ATP8A2: variants seen among roughly 807,000 people sequenced by gnomAD.
ATP8A2 encodes the protein ATPase phospholipid transporting 8A2, also known as phospholipid-transporting ATPase IB.
A neutral mutation model predicts 165.6 loss-of-function variants in ATP8A2; 100 were observed. The ratio of observed to expected loss-of-function variants is 0.60; its 90% CI spans 0.51 to 0.71. The LOEUF (loss-of-function observed/expected upper bound fraction) is 0.71, where lower values mean the gene tolerates loss of function less well. Ranked by LOEUF, ATP8A2 falls within the 30% of genes least tolerant of loss-of-function variation. ATP8A2 has a pLI of 0.00. For missense variants in ATP8A2, 1,227 were observed against 1,479.5 expected (o/e 0.83, Z 2.80); for synonymous variants, 543 against 548.8 (o/e 0.99, Z 0.15).
At chr13:25,465,703 C>CT (rs1371476314) in intron 1 of ATP8A2, among the ~76,000 whole-genome samples, 2 of 20,836 alleles carry the variant, frequency 9.6e-5, no homozygotes, top group Non-Finnish European at 1.1e-4. Flanking sequence ...TTCTTTCTTT[C>CT]TTTCTTTCTT....
At chr13:25,891,812 A>G (rs1402736655) in intron 33 of ATP8A2, among the ~76,000 whole-genome samples, 1 of 152,174 alleles carries the variant, frequency 6.6e-6, no homozygotes, top group Admixed American at 6.5e-5. Flanking sequence ...AAAGGACAAA[A>G]AGCAGGCCAA....
chr13:26,014,494 CGTT>C (rs1278282870), intron 36 of ATP8A2, among the ~76,000 whole-genome samples: 23 of 152,064 alleles, frequency 1.5e-4, no homozygotes, highest in African/African-American at 5.3e-4. Context: ...CTTAGCATCT[CGTT>C]GTCTGGATGA....
At position 25,574,472 on chromosome 13, in the gene ATP8A2, C is replaced by T. The variant is rs57938997; in HGVS notation, c.1663-336C>T. Among the ~76,000 whole-genome samples, 92 of 152,302 alleles carry T rather than the reference C, an allele frequency of 6.0e-4. 1 individual carries two copies. The East Asian group carries it at 0.011, about 18-fold the overall frequency. ...TGCTGGGGACATTATGATAGATGGT[C>T]TAGAATATGTCTATATAATTTGTAA... On this transcript the variant is annotated intron_variant, in intron 18 of 36. Coordinates refer to ENST00000381655, the MANE Select transcript of ATP8A2 (RefSeq NM_016529.6).
intron 24 of ATP8A2, among the ~76,000 whole-genome samples, chr13:25,647,927 G>C (rs2041717161): frequency 6.6e-6 from 1 of 151,958 alleles, no homozygotes; most frequent in Admixed American, 6.6e-5. Flanking sequence ...GACCTCAGGT[G>C]GTTTGCCTAC....
At chr13:25,811,574 G>A (rs1270979464) in intron 27 of ATP8A2, among the ~76,000 whole-genome samples, 1 of 152,126 alleles carries the variant, frequency 6.6e-6, no homozygotes, top group Non-Finnish European at 1.5e-5. Context: ...TCTAGGGCAA[G>A]GCGCAATGGC....
At chr13:25,582,835 AG>A (rs1227043012) in intron 23 of ATP8A2, among the ~76,000 whole-genome samples, 1 of 152,206 alleles carries the variant, frequency 6.6e-6, no homozygotes, top group Non-Finnish European at 1.5e-5. Context: ...ATGTAACCTC[AG>A]TTGTAAATAA....
At chr13:25,929,580 C>G (rs527761523) in intron 33 of ATP8A2, among the ~76,000 whole-genome samples, 6 of 152,276 alleles carry the variant, frequency 3.9e-5, no homozygotes, top group Admixed American at 6.5e-5. Context: ...TGCCAGCGGC[C>G]GGGCTCAGTG....
At position 25,418,061 on chromosome 13, in the gene ATP8A2, T is replaced by G. The variant is rs905759274; in HGVS notation, c.76+45773T>G. Among the ~76,000 whole-genome samples, 111 of 152,310 alleles carry G rather than the reference T, an allele frequency of 7.3e-4. 1 individual carries two copies. The highest frequency in any genetic ancestry group is 2.6e-3 in the African/African-American group (109 of 41,570). ...CCAATAAACTCTCATTTCCCCCTGT[T>G]AACAGACTCTCTCAACCCGCCTATT... On this transcript the variant is annotated intron_variant, in intron 1 of 36. Coordinates refer to ENST00000381655, the MANE Select transcript of ATP8A2 (RefSeq NM_016529.6).
At chr13:25,983,166 T>C (rs1956204968) in intron 35 of ATP8A2, among the ~76,000 whole-genome samples, 1 of 152,244 alleles carries the variant, frequency 6.6e-6, no homozygotes, top group South Asian at 2.1e-4. Flanking sequence ...TGTGTCTGCT[T>C]TGATTTTCTG....
In ATP8A2 at chr13:25,984,607, AAAACAAACAAAAAC is replaced by A. The variant is rs370852454; in HGVS notation, c.3377+15931_3377+15944del. 9.1e-3 allele frequency among the ~76,000 whole-genome samples: 1,380 copies of A among 152,074 alleles called. 20 individuals are homozygous for A. The highest frequency in any genetic ancestry group is 0.029 in the African/African-American group (1,220 of 41,428). On this transcript the variant is annotated intron_variant, in intron 35 of 36. Coordinates refer to ENST00000381655, the MANE Select transcript of ATP8A2 (RefSeq NM_016529.6). Reference sequence around the variant, plus strand: ...AGTGAGACTTTGTCTCAAAAAAAAAAAAACAAACAAAAACAACAAACAAAAACGAAACAAAACAA... The same window carrying A: ...AGTGAGACTTTGTCTCAAAAAAAAAAAACAAACAAAAACGAAACAAAACAA...
At chr13:25,960,927 T>C (rs1479097693) in intron 33 of ATP8A2, among the ~76,000 whole-genome samples, 2 of 152,214 alleles carry the variant, frequency 1.3e-5, no homozygotes, top group African/African-American at 4.8e-5. Flanking sequence ...TACCCATCTC[T>C]AGCTACTGAA....
chr13:25,964,762 G>T (rs565457086), intron 34 of ATP8A2, among the ~76,000 whole-genome samples: 11 of 152,294 alleles, frequency 7.2e-5, no homozygotes, highest in Admixed American at 3.3e-4. Context: ...TGGTGATGCC[G>T]AGAGAGCTTC....
chr13:25,711,131 G>A lies in ATP8A2; in HGVS notation c.2384+11786G>A, dbSNP rs190659283. Among the ~76,000 whole-genome samples the A allele has an allele frequency of 3.3e-5, 5 of 152,212 alleles. No individual in the cohort carries two copies. The East Asian group carries it at 7.7e-4, about 24-fold the overall frequency. The stretch of plus-strand genomic sequence containing the variant: ...TAATTCTCCTGCCTCAGCCTCCGTA[G>A]TAGCTGGGATTACAGGGGGCGTGCC... On this transcript the variant is annotated intron_variant, in intron 25 of 36. Transcript: ENST00000381655.
At chr13:25,513,450 A>C (rs2037344740) in intron 2 of ATP8A2, among the ~76,000 whole-genome samples, 1 of 148,154 alleles carries the variant, frequency 6.7e-6, no homozygotes, top group Non-Finnish European at 1.5e-5. Context: ...GGCGGCCGGG[A>C]AGAGGCGCTC....
At chr13:25,764,557 C>T (rs192257442) in intron 25 of ATP8A2, among the ~76,000 whole-genome samples, 10 of 152,262 alleles carry the variant, frequency 6.6e-5, no homozygotes, top group Non-Finnish European at 1.2e-4. Flanking sequence ...CGGCAGCAGC[C>T]GGGAGCTTGT....
In ATP8A2 at chr13:25,581,899, G is replaced by A. The variant is rs1421686190; in HGVS notation, c.2088G>A (p.Lys696=). ...GVPETIATLL[K]AEIKIWVLTG... is the part of the protein sequence containing the mutation. ...CAGAAACCATCGCAACACTGTTGAA[G>A]GCAGAAATTAAAATATGGGTGTTGA... Residue 696 remains lysine (K), a synonymous_variant, in exon 23 of 37, where the codon AAG becomes AAA. Transcript: ENST00000381655. 3.7e-6 allele frequency: 6 copies of A among 1,613,794 alleles called. No individual in the cohort carries two copies. The highest frequency in any genetic ancestry group is 2.7e-5 in the African/African-American group (2 of 74,914).
chr13:25,878,267 T>C (rs1309089399), intron 33 of ATP8A2, among the ~76,000 whole-genome samples: 3 of 152,198 alleles, frequency 2.0e-5, no homozygotes, highest in African/African-American at 7.2e-5. Flanking sequence ...TTATAAGGTA[T>C]GTCGAAACAA....
Position 25,676,770 on chromosome 13 carries a change from AG to A in ATP8A2, c.2212-22402del, listed in dbSNP as rs373045730. Among the ~76,000 whole-genome samples, 211 of 152,244 alleles carry A rather than the reference AG, an allele frequency of 1.4e-3. 2 individuals are homozygous for A. Among genetic ancestry groups the A allele is most frequent in the South Asian group, 0.011 (54 of 4,810 alleles). ...ACATGTATACTTGTATACATGTTGTAGAAAACTATAACAGAGAATACAGGCC... is the reference window on the plus strand; with the variant it reads ...ACATGTATACTTGTATACATGTTGTAAAAACTATAACAGAGAATACAGGCC... On this transcript the variant is annotated intron_variant, in intron 24 of 36. Coordinates refer to ENST00000381655, the MANE Select transcript of ATP8A2 (RefSeq NM_016529.6).
chr13:25,867,208 G>A (rs1431429468), intron 33 of ATP8A2, among the ~76,000 whole-genome samples: 3 of 146,304 alleles, frequency 2.1e-5, no homozygotes, highest in South Asian at 2.2e-4. Context: ...ACACACTTGT[G>A]TACACACAAT....
Sources: gnomAD v4.1 joint callset for allele counts (sites outside exome capture counted in the v4.1 genomes callset) on GRCh38, gnomAD v4.1.1 for gene constraint, MANE v1.5 for transcripts, NCBI Gene and HGNC (gene_info 2026-07-23, HGNC 2026-07-21) for gene names.